The following KCNK2 variants were observed in gnomAD, a reference collection of about 807,000 sequenced individuals.
KCNK2 encodes the protein potassium two pore domain channel subfamily K member 2, also known as potassium channel subfamily K member 2.
A neutral mutation model predicts 40.5 loss-of-function variants in KCNK2; 21 were observed. The observed-to-expected ratio is 0.52, with a 90% CI of 0.37 to 0.75. KCNK2 has a LOEUF of 0.75. Among genes scored for constraint, KCNK2 ranks in the 30% least tolerant of loss-of-function variants. The pLI is 0.00. For missense variants in KCNK2, 399 were observed against 531.6 expected (o/e 0.75, Z 2.45); for synonymous variants, 191 against 202.2 (o/e 0.94, Z 0.47).
intron 1 of KCNK2, among the ~76,000 whole-genome samples, chr1:215,053,205 A>G (rs1252336848): frequency 6.6e-6 from 1 of 152,212 alleles, no homozygotes; most frequent in Admixed American, 6.5e-5. Flanking sequence ...GAACAAGTCC[A>G]TGGAAAGACA....
intron 5 of KCNK2, among the ~76,000 whole-genome samples, chr1:215,176,408 C>A (rs541472285): frequency 6.6e-6 from 1 of 152,120 alleles, no homozygotes; most frequent in East Asian, 1.9e-4. Context: ...AAACGTGTGC[C>A]ATGGTGATTT....
chr1:215,216,783 C>T (rs1376342867), intron 6 of KCNK2, among the ~76,000 whole-genome samples: 1 of 151,992 alleles, frequency 6.6e-6, no homozygotes, highest in African/African-American at 2.4e-5. Flanking sequence ...TCTTCAAAAT[C>T]GGTGTGTATG....
At chr1:215,164,984 A>C (rs1663377313) in intron 3 of KCNK2, among the ~76,000 whole-genome samples, 5 of 152,330 alleles carry the variant, frequency 3.3e-5, no homozygotes, top group Middle Eastern at 6.8e-3. Flanking sequence ...AGCAGATATT[A>C]GAGAACCTTA....
At chr1:215,087,636 A>C (rs545602773) in intron 2 of KCNK2, among the ~76,000 whole-genome samples, 81 of 152,170 alleles carry the variant, frequency 5.3e-4, no homozygotes, top group Non-Finnish European at 1.0e-3. Context: ...CACTTTTCTT[A>C]CCTGATTTAA....
intron 5 of KCNK2, among the ~76,000 whole-genome samples, chr1:215,185,720 T>A (rs772467972): frequency 1.4e-4 from 22 of 152,178 alleles, no homozygotes; most frequent in Non-Finnish European, 2.8e-4. Flanking sequence ...TTGCTCTAAC[T>A]TGAACCTCCT....
intron 6 of KCNK2, among the ~76,000 whole-genome samples, chr1:215,212,289 C>T (rs752886866): frequency 1.6e-4 from 25 of 152,230 alleles, no homozygotes; most frequent in Admixed American, 1.2e-3. Context: ...AGAGTACCCA[C>T]TTCCTACGTA....
intron 1 of KCNK2, among the ~76,000 whole-genome samples, chr1:215,044,210 A>T (rs1055985915): frequency 6.6e-6 from 1 of 152,164 alleles, no homozygotes; most frequent in South Asian, 2.1e-4. Flanking sequence ...CGTACATGAT[A>T]GTCTGAGCAG....
chr1:215,034,317 C>T (rs1490134482), intron 1 of KCNK2, among the ~76,000 whole-genome samples: 2 of 150,434 alleles, frequency 1.3e-5, no homozygotes, highest in African/African-American at 4.9e-5. Context: ...TTTGTTTATA[C>T]TCTCCCCAGC....
intron 6 of KCNK2, among the ~76,000 whole-genome samples, chr1:215,209,988 AATATATAATATATATT>A (rs1399953648): frequency 0.05 from 207 of 4,128 alleles, 1 homozygote; most frequent in African/African-American, 0.066. Context: ...TATTATATAT[AATATATAATATATATT>A]ATATATAATA....
chr1:215,033,547 A>G (rs761620754), intron 1 of KCNK2, among the ~76,000 whole-genome samples: 8 of 152,118 alleles, frequency 5.3e-5, no homozygotes, highest in Non-Finnish European at 1.0e-4. Flanking sequence ...TTACATTGCC[A>G]TGATTCCATT....
intron 6 of KCNK2, among the ~76,000 whole-genome samples, chr1:215,224,299 A>G (rs1489612695): frequency 6.6e-6 from 1 of 152,124 alleles, no homozygotes; most frequent in Non-Finnish European, 1.5e-5. Context: ...CCATGTGGAG[A>G]AAACATTTTT....
intron 1 of KCNK2, among the ~76,000 whole-genome samples, chr1:215,021,591 G>C (rs1656794216): frequency 7.0e-6 from 1 of 142,690 alleles, no homozygotes; most frequent in Admixed American, 7.4e-5. Flanking sequence ...TGTCGCCCAG[G>C]CTGGAGTGCA....
Position 215,084,182 on chromosome 1 carries a change from GCA to G in KCNK2, c.46+787_46+788del, listed in dbSNP as rs71945726. Among the ~76,000 whole-genome samples the G allele has an allele frequency of 5.0e-4, 71 of 141,964 alleles. 1 individual carries two copies. The Middle Eastern group carries it at 0.01, about 21-fold the overall frequency. 93.1% of individuals were successfully genotyped at this position (141,964 alleles called of 152,430 possible). On this transcript the variant is annotated intron_variant, in intron 1 of 6. Transcript: ENST00000444842. ...CCTTCTGGAAATGTATTAGGTTAAT[GCA>G]CACACACACACACACACACACACAC...
chr1:215,019,955 A>G lies in KCNK2; in HGVS notation c.34+14000A>G, dbSNP rs536278149. The stretch of plus-strand genomic sequence containing the variant: ...TACATGAGCAGAGGGACCACTATAT[A>G]TATATATTTACCATATTGTACTTAA... On this transcript the variant is annotated intron_variant, in intron 1 of 6. Coordinates refer to the KCNK2 transcript ENST00000391895. Among the ~76,000 whole-genome samples, 88 of 152,160 alleles carry G rather than the reference A, an allele frequency of 5.8e-4. 1 individual carries two copies. The highest frequency in any genetic ancestry group is 2.0e-3 in the African/African-American group (84 of 41,556).
At chr1:215,054,662 T>C (rs76200076) in intron 1 of KCNK2, among the ~76,000 whole-genome samples, 1,810 of 152,244 alleles carry the variant, frequency 0.012, 42 homozygotes, top group South Asian at 0.1. Context: ...GGTGTATTTT[T>C]CTATAAATAA....
At chr1:215,184,889 A>C (rs1409077805) in intron 5 of KCNK2, among the ~76,000 whole-genome samples, 1 of 152,170 alleles carries the variant, frequency 6.6e-6, no homozygotes, top group African/African-American at 2.4e-5. Flanking sequence ...AAATACAAAA[A>C]GTATAAATAA....
At chr1:215,086,122 G>A (rs1571894839) in intron 1 of KCNK2, among the ~76,000 whole-genome samples, 1 of 151,912 alleles carries the variant, frequency 6.6e-6, no homozygotes, top group South Asian at 2.1e-4. Flanking sequence ...TTCTTGGTTC[G>A]ACTCCAGTTT....
At chr1:215,011,617 A>T (rs1157097617) in intron 1 of KCNK2, among the ~76,000 whole-genome samples, 2 of 130,580 alleles carry the variant, frequency 1.5e-5, no homozygotes, top group African/African-American at 5.7e-5. Context: ...TTTTATTTTT[A>T]TTTTTTGAGA....
intron 1 of KCNK2, among the ~76,000 whole-genome samples, chr1:215,039,599 G>T (rs1057413464): frequency 2.0e-5 from 3 of 152,096 alleles, no homozygotes; most frequent in African/African-American, 7.2e-5. Flanking sequence ...TAGAGAGGAG[G>T]CAGAGAAGAG....
Sources: gnomAD v4.1 joint callset for allele counts (sites outside exome capture counted in the v4.1 genomes callset) on GRCh38, gnomAD v4.1.1 for gene constraint, MANE v1.5 for transcripts, NCBI Gene and HGNC (gene_info 2026-07-23, HGNC 2026-07-21) for gene names.